WWOX: variants seen among roughly 807,000 people sequenced by gnomAD.
The protein encoded by WWOX is WW domain containing oxidoreductase.
WWOX carries 69 observed loss-of-function variants against 46.2 expected under a neutral mutation model. The observed-to-expected ratio is 1.49, with a 90% CI of 1.23 to 1.82. The LOEUF (loss-of-function observed/expected upper bound fraction) is 1.82. Among genes scored for constraint, WWOX ranks in the 40% most tolerant of loss-of-function variants. The pLI is 0.00. For missense variants in WWOX, 919 were observed against 542.6 expected, an observed-to-expected ratio of 1.69 and a Z score of -6.89; for synonymous variants, 359 against 202.6, an observed-to-expected ratio of 1.77 and a Z score of -6.56.
chr16:78,630,445 T>C (rs1371311423), intron 8 of WWOX, among the ~76,000 whole-genome samples: 2 of 152,338 alleles, frequency 1.3e-5, no homozygotes, highest in East Asian at 3.9e-4. Context: ...TTTTGTTATA[T>C]GCTACAGAGA....
intron 8 of WWOX, chr16:78,552,269 C>A (rs1207190875): frequency 6.6e-6 from 1 of 152,200 alleles, no homozygotes; most frequent in Non-Finnish European, 1.5e-5. Context: ...AAACTGTCAT[C>A]TGATTTACAC....
intron 8 of WWOX, among the ~76,000 whole-genome samples, chr16:78,603,398 T>A (rs2045669953): frequency 6.6e-6 from 1 of 152,124 alleles, no homozygotes; most frequent in Admixed American, 6.5e-5. Flanking sequence ...ACATGCATTT[T>A]AAAAAACTAT....
intron 8 of WWOX, among the ~76,000 whole-genome samples, chr16:78,843,129 A>G (rs1333433284): frequency 1.3e-5 from 2 of 149,882 alleles, no homozygotes; most frequent in Non-Finnish European, 3.0e-5. Flanking sequence ...GTTTCCATAA[A>G]TAGTGCATTC....
chr16:78,973,058 G>C (rs2046503199), intron 8 of WWOX, among the ~76,000 whole-genome samples: 1 of 152,110 alleles, frequency 6.6e-6, no homozygotes, highest in African/African-American at 2.4e-5. Flanking sequence ...GTTTCCCCTG[G>C]GATTAAACAG....
intron 8 of WWOX, among the ~76,000 whole-genome samples, chr16:78,935,532 C>T (rs2045718265): frequency 1.3e-5 from 2 of 148,448 alleles, no homozygotes; most frequent in Non-Finnish European, 2.9e-5. Flanking sequence ...TGCATGTTCT[C>T]ACTAATAGGT....
intron 8 of WWOX, chr16:79,204,827 T>C (rs1026475144): frequency 1.3e-5 from 2 of 152,218 alleles, no homozygotes; most frequent in African/African-American, 4.8e-5. Context: ...CTTTCCAGCT[T>C]TCCATCCTGA....
At chr16:78,934,100 C>A (rs1218606768) in intron 8 of WWOX, among the ~76,000 whole-genome samples, 1 of 151,756 alleles carries the variant, frequency 6.6e-6, no homozygotes, top group South Asian at 2.1e-4. Flanking sequence ...CTTTCGGAGG[C>A]CTAGGTGGGC....
intron 8 of WWOX, among the ~76,000 whole-genome samples, chr16:78,600,883 G>C (rs1486042759): frequency 2.0e-5 from 3 of 152,166 alleles, no homozygotes; most frequent in Admixed American, 6.5e-5. Context: ...TCGTGACAGG[G>C]AGAAGCCTGT....
intron 5 of WWOX, among the ~76,000 whole-genome samples, chr16:78,222,261 A>G (rs527727817): frequency 6.6e-6 from 1 of 150,702 alleles, no homozygotes; most frequent in Admixed American, 6.7e-5. Flanking sequence ...TTTCCAGTTC[A>G]TTTCCAACGC....
At chr16:78,756,417 G>A (rs940737279) in intron 8 of WWOX, among the ~76,000 whole-genome samples, 3 of 152,136 alleles carry the variant, frequency 2.0e-5, no homozygotes, top group East Asian at 1.9e-4. Context: ...ACATTATTCA[G>A]GAAGCTCTGA....
chr16:78,901,083 G>C (rs1457464524), intron 8 of WWOX, among the ~76,000 whole-genome samples: 5 of 152,194 alleles, frequency 3.3e-5, no homozygotes, highest in Non-Finnish European at 5.9e-5. Context: ...CACACATCTA[G>C]AAGTTCCGGT....
intron 5 of WWOX, among the ~76,000 whole-genome samples, chr16:78,169,288 A>C (rs1165357442): frequency 2.0e-5 from 3 of 152,294 alleles, no homozygotes; most frequent in Middle Eastern, 3.4e-3. Context: ...ATTTAACAGC[A>C]GTGTCTATGT....
chr16:78,514,746 A>G (rs2151490718), intron 8 of WWOX, among the ~76,000 whole-genome samples: 1 of 152,326 alleles, frequency 6.6e-6, no homozygotes, highest in Non-Finnish European at 1.5e-5. Flanking sequence ...TGGCTATATA[A>G]ACACACAGGC....
chr16:79,094,867 C>G (rs2049037511), intron 8 of WWOX, among the ~76,000 whole-genome samples: 2 of 152,144 alleles, frequency 1.3e-5, no homozygotes, highest in Non-Finnish European at 1.5e-5. Context: ...TACACTGTGT[C>G]TACCCCAGAG....
At chr16:78,681,433 T>C (rs963064496) in intron 8 of WWOX, among the ~76,000 whole-genome samples, 3 of 151,848 alleles carry the variant, frequency 2.0e-5, no homozygotes, top group African/African-American at 7.3e-5. Context: ...CAATTTTTTT[T>C]CCACATTCAT....
At chr16:78,887,078 GT>G (rs2044476199) in intron 8 of WWOX, among the ~76,000 whole-genome samples, 1 of 3,340 alleles carries the variant, frequency 3.0e-4, no homozygotes. Context: ...TGTGTGTGTG[GT>G]GTGTGTGTGT....
Position 78,402,958 on chromosome 16 carries a change from C to G in WWOX, c.605+16010C>G, listed in dbSNP as rs565897119. ...AGGTTGTATTTCTTCATTAGCTATT[C>G]CCAGGGCCCAGAAAGTCCCAGAGGA... On this transcript the variant is annotated intron_variant, in intron 6 of 8. Coordinates refer to ENST00000566780, the MANE Select transcript of WWOX (RefSeq NM_016373.4). Among the ~76,000 whole-genome samples, 36 of 152,236 alleles carry G rather than the reference C, an allele frequency of 2.4e-4. No individual in the cohort carries two copies. In the South Asian group the frequency reaches 7.5e-3, roughly 32 times the overall value.
At chr16:78,174,165 C>A (rs181476569) in intron 5 of WWOX, among the ~76,000 whole-genome samples, 5 of 152,160 alleles carry the variant, frequency 3.3e-5, no homozygotes, top group Non-Finnish European at 7.3e-5. Context: ...ACACCCACGA[C>A]TGGGAAGAAA....
At chr16:78,878,284 C>T (rs1251549831) in intron 8 of WWOX, among the ~76,000 whole-genome samples, 5 of 152,106 alleles carry the variant, frequency 3.3e-5, no homozygotes, top group African/African-American at 4.8e-5. Context: ...ATAAAAATAC[C>T]ATGCTGAATG....
Sources: gnomAD v4.1 joint callset for allele counts (sites outside exome capture counted in the v4.1 genomes callset) on GRCh38, gnomAD v4.1.1 for gene constraint, MANE v1.5 for transcripts, NCBI Gene and HGNC (gene_info 2026-07-23, HGNC 2026-07-21) for gene names.